The following KANSL1 variants were observed in gnomAD, a reference collection of about 807,000 sequenced individuals.
KANSL1 encodes KAT8 regulatory NSL complex subunit 1, also known as MLL1/MLL complex subunit KANSL1.
Under a neutral mutation model 103.6 loss-of-function variants are expected in KANSL1, and 22 were observed. That is an observed-to-expected ratio of 0.21 (90% CI 0.15 to 0.30). The LOEUF (loss-of-function observed/expected upper bound fraction) is 0.30. Among genes scored for constraint, KANSL1 ranks in the 10% least tolerant of loss-of-function variants. The pLI, the probability that KANSL1 is intolerant of heterozygous loss-of-function variation, is 1.00. For synonymous variants in KANSL1, 600 were observed against 527.6 expected, an observed-to-expected ratio of 1.14 and a Z score of -1.88; for missense variants, 1,337 against 1,399.8, an observed-to-expected ratio of 0.96 and a Z score of 0.72.
chr17:46,077,439 GT>G (rs575368233), intron 4 of KANSL1, among the ~76,000 whole-genome samples: 18 of 152,248 alleles, frequency 1.2e-4, no homozygotes, highest in African/African-American at 3.9e-4. Flanking sequence ...TAGGCGTTAG[GT>G]TTTTTTCCTA....
At chr17:46,180,612 G>C (rs2046741682) in intron 1 of KANSL1, among the ~76,000 whole-genome samples, 1 of 152,234 alleles carries the variant, frequency 6.6e-6, no homozygotes, top group African/African-American at 2.4e-5. Flanking sequence ...CTTGAACCCA[G>C]GAGGCAGAGG....
At chr17:46,160,830 T>C (rs1250158636) in intron 2 of KANSL1, among the ~76,000 whole-genome samples, 1 of 152,226 alleles carries the variant, frequency 6.6e-6, no homozygotes, top group African/African-American at 2.4e-5. Flanking sequence ...TTTGATTCTG[T>C]TTACACTAAA....
chr17:46,100,643 A>AT (rs1384184118), intron 2 of KANSL1, among the ~76,000 whole-genome samples: 1 of 152,196 alleles, frequency 6.6e-6, no homozygotes, highest in Non-Finnish European at 1.5e-5. Context: ...TATTTATTAG[A>AT]TAAGTAGCAC....
intron 2 of KANSL1, among the ~76,000 whole-genome samples, chr17:46,150,445 T>C (rs966567363): frequency 6.6e-6 from 1 of 152,246 alleles, no homozygotes; most frequent in African/African-American, 2.4e-5. Context: ...CAGTGAATTA[T>C]ATCTTAGATC....
intron 1 of KANSL1, among the ~76,000 whole-genome samples, chr17:46,176,067 A>T (rs2046505673): frequency 6.6e-6 from 1 of 152,262 alleles, no homozygotes; most frequent in African/African-American, 2.4e-5. Flanking sequence ...TGTAGTTGAT[A>T]TGAGCAATGC....
chr17:46,106,747 C>T (rs893927235), intron 2 of KANSL1, among the ~76,000 whole-genome samples: 1 of 152,002 alleles, frequency 6.6e-6, no homozygotes, highest in African/African-American at 2.4e-5. Context: ...GCAACAGAAC[C>T]CATCTTCAAG....
intron 6 of KANSL1, among the ~76,000 whole-genome samples, chr17:46,062,724 CATAATTCAACTAAGCTG>C (rs929954682): frequency 1.3e-5 from 2 of 151,526 alleles, no homozygotes; most frequent in Non-Finnish European, 2.9e-5. Context: ...ATATTCCAGC[CATAATTCAACTAAGCTG>C]ATAGCCCTTT....
intron 1 of KANSL1, among the ~76,000 whole-genome samples, chr17:46,216,481 C>T (rs2048342352): frequency 6.6e-6 from 1 of 151,882 alleles, no homozygotes; most frequent in African/African-American, 2.4e-5. Flanking sequence ...CACCTGTAAT[C>T]CCAGCTACTG....
chr17:46,189,255 A>T (rs2147898151), intron 1 of KANSL1, among the ~76,000 whole-genome samples: 1 of 152,132 alleles, frequency 6.6e-6, no homozygotes, highest in Non-Finnish European at 1.5e-5. Flanking sequence ...CAAAATCTCT[A>T]AACCACTCAA....
intron 2 of KANSL1, among the ~76,000 whole-genome samples, chr17:46,148,528 A>G (rs114621396): frequency 0.011 from 1,680 of 152,204 alleles, 29 homozygotes; most frequent in African/African-American, 0.038. Flanking sequence ...ACGAGTTCAC[A>G]TGCTGAATGG....
intron 2 of KANSL1, among the ~76,000 whole-genome samples, chr17:46,159,652 T>C (rs561359986): frequency 2.0e-5 from 3 of 152,366 alleles, no homozygotes; most frequent in South Asian, 4.1e-4. Context: ...ACAATTCACC[T>C]GTAAGCACAA....
intron 1 of KANSL1, among the ~76,000 whole-genome samples, chr17:46,201,501 C>T (rs899837420): frequency 1.3e-5 from 2 of 152,280 alleles, no homozygotes; most frequent in Admixed American, 6.5e-5. Context: ...AAATTCCACA[C>T]GTGACACCTT....
chr17:46,030,406 T>C lies in KANSL1; in HGVS notation c.*1070A>G, dbSNP rs910672963. 5 of 151,996 alleles carry C rather than the reference T, an allele frequency of 3.3e-5. No individual in the cohort carries two copies. The highest frequency in any genetic ancestry group is 7.4e-5 in the Non-Finnish European group (5 of 68,010). The allele number at this position is 151,996 out of a possible 1,614,324, so 9.4% of individuals were successfully genotyped here. A position where few individuals can be genotyped will look rare whatever the true frequency, so the allele number is the denominator to read the frequency against. ...AGAGTCTTCTCCCCCCTCCCCCTTT[T>C]TGGTGATGTGATCATACAGGAGACA... On this transcript the variant is annotated 3_prime_UTR_variant, in exon 15 of 15. Transcript: ENST00000432791.
At chr17:46,198,065 T>C (rs540074634), upstream of KANSL1, among the ~76,000 whole-genome samples, 12 of 152,300 alleles carry the variant, frequency 7.9e-5, no homozygotes, top group African/African-American at 2.9e-4. Context: ...TTTTGGTTAC[T>C]TACCTAGGAC....
intron 2 of KANSL1, among the ~76,000 whole-genome samples, chr17:46,165,096 G>A (rs908215094): frequency 3.9e-5 from 6 of 152,166 alleles, no homozygotes; most frequent in Non-Finnish European, 8.8e-5. Flanking sequence ...GACAGAACAA[G>A]ACTCTCTCTC....
intron 7 of KANSL1, chr17:46,042,636 A>G (rs1217171700): frequency 6.6e-6 from 1 of 152,206 alleles, no homozygotes; most frequent in East Asian, 1.9e-4. Context: ...AATAGACAGT[A>G]CAAAATATTT....
chr17:46,225,065 C>G (rs1476426859), upstream of KANSL1, among the ~76,000 whole-genome samples: 3 of 151,630 alleles, frequency 2.0e-5, no homozygotes, highest in East Asian at 5.8e-4. Flanking sequence ...TCAGGCCAGT[C>G]GGCCGGCAGC....
At chr17:46,037,409 G>C (rs913587545) in intron 10 of KANSL1, 3 of 152,194 alleles carry the variant, frequency 2.0e-5, no homozygotes, top group Admixed American at 6.5e-5. Flanking sequence ...AGAACAATGT[G>C]AATTCCTACC....
chr17:46,071,634 GCTT>G (rs949122962), intron 4 of KANSL1, among the ~76,000 whole-genome samples: 1 of 152,148 alleles, frequency 6.6e-6, no homozygotes, highest in Non-Finnish European at 1.5e-5. Flanking sequence ...ACTAATTTCA[GCTT>G]ATTACTACTG....
Sources: gnomAD v4.1 joint callset for allele counts (sites outside exome capture counted in the v4.1 genomes callset) on GRCh38, gnomAD v4.1.1 for gene constraint, MANE v1.5 for transcripts, NCBI Gene and HGNC (gene_info 2026-07-23, HGNC 2026-07-21) for gene names.